ENTREP2: variants seen among roughly 807,000 people sequenced by gnomAD.
ENTREP2 encodes protein ENTREP2.
chr15:29,129,307 C>T, the ENTREP2 span, among the ~76,000 whole-genome samples: 11 of 152,220 alleles, frequency 7.2e-5, no homozygotes, highest in East Asian at 5.8e-4. Flanking sequence ...TCAGGCGATC[C>T]GCCTGCTTTG....
chr15:29,290,079 GCA>G, the ENTREP2 span, among the ~76,000 whole-genome samples: 1 of 152,082 alleles, frequency 6.6e-6, no homozygotes, highest in East Asian at 1.9e-4. Flanking sequence ...GCCTCCCAGG[GCA>G]CAGGTACCAG....
At chr15:29,325,278 G>A in the ENTREP2 span, among the ~76,000 whole-genome samples, 2 of 151,958 alleles carry the variant, frequency 1.3e-5, no homozygotes, top group Non-Finnish European at 2.9e-5. Flanking sequence ...GGAAACTAGA[G>A]AGAGAAGAGC....
chr15:29,166,451 C>T, the ENTREP2 span, among the ~76,000 whole-genome samples: 2 of 152,154 alleles, frequency 1.3e-5, no homozygotes. Context: ...GCTTCTATAA[C>T]TGATAAAAGA....
At chr15:29,160,476 C>CT in the ENTREP2 span, among the ~76,000 whole-genome samples, 1 of 151,986 alleles carries the variant, frequency 6.6e-6, no homozygotes, top group Non-Finnish European at 1.5e-5. Flanking sequence ...CTTTTGGAGG[C>CT]TAAGGTCAGA....
At chr15:29,310,302 T>A in the ENTREP2 span, among the ~76,000 whole-genome samples, 5 of 152,108 alleles carry the variant, frequency 3.3e-5, no homozygotes, top group Middle Eastern at 3.2e-3. Flanking sequence ...GACAATTTTT[T>A]AAAATCTCTT....
chr15:29,199,626 A>G, the ENTREP2 span, among the ~76,000 whole-genome samples: 4 of 152,214 alleles, frequency 2.6e-5, no homozygotes, highest in Admixed American at 2.0e-4. Context: ...TAAAAGACAA[A>G]TCATATATAG....
chr15:29,441,448 C>T, the ENTREP2 span, among the ~76,000 whole-genome samples: 1 of 152,134 alleles, frequency 6.6e-6, no homozygotes, highest in Non-Finnish European at 1.5e-5. Flanking sequence ...TCCCATCACC[C>T]ATTCTCAGAA....
chr15:29,367,638 C>T, the ENTREP2 span, among the ~76,000 whole-genome samples: 1 of 152,138 alleles, frequency 6.6e-6, no homozygotes, highest in Admixed American at 6.5e-5. Context: ...CCCAGGAAAG[C>T]CCTGAGAAGG....
the ENTREP2 span, among the ~76,000 whole-genome samples, chr15:29,228,878 T>TA: frequency 6.6e-6 from 1 of 152,148 alleles, no homozygotes; most frequent in Non-Finnish European, 1.5e-5. Flanking sequence ...ATCACAAATG[T>TA]AAAAAAATGC....
chr15:29,350,397 G>A, the ENTREP2 span, among the ~76,000 whole-genome samples: 2 of 152,078 alleles, frequency 1.3e-5, no homozygotes, highest in African/African-American at 4.8e-5. Flanking sequence ...TCAATAACAG[G>A]TGTATGTACT....
the ENTREP2 span, among the ~76,000 whole-genome samples, chr15:29,651,216 T>G: frequency 1.3e-5 from 2 of 152,232 alleles, no homozygotes; most frequent in African/African-American, 4.8e-5. Flanking sequence ...CAGGCAGACC[T>G]AGCTAAATAC....
At chr15:29,480,553 C>T in the ENTREP2 span, among the ~76,000 whole-genome samples, 23 of 151,792 alleles carry the variant, frequency 1.5e-4, no homozygotes, top group African/African-American at 5.3e-4. Flanking sequence ...GAAAAAGAGC[C>T]GGATGTGGTG....
chr15:29,234,038 C>T, the ENTREP2 span: 3 of 1,463,508 alleles, frequency 2.0e-6, no homozygotes, highest in Admixed American at 3.3e-5. Flanking sequence ...TCAAGATCTT[C>T]CTCATCCTCT....
chr15:29,518,267 G>A, the ENTREP2 span, among the ~76,000 whole-genome samples: 1 of 152,046 alleles, frequency 6.6e-6, no homozygotes, highest in Non-Finnish European at 1.5e-5. Context: ...CCACAACACA[G>A]CATTCTCAAC....
chr15:29,409,632 C>T, the ENTREP2 span, among the ~76,000 whole-genome samples: 1 of 147,218 alleles, frequency 6.8e-6, no homozygotes. Flanking sequence ...GCCTATTTTT[C>T]TTTTTTTTTT....
chr15:29,623,352 C>T, the ENTREP2 span, among the ~76,000 whole-genome samples: 1 of 152,162 alleles, frequency 6.6e-6, no homozygotes, highest in Admixed American at 6.5e-5. Flanking sequence ...CAGATGTTAC[C>T]ATAGCTAATT....
the ENTREP2 span, among the ~76,000 whole-genome samples, chr15:29,213,971 A>G: frequency 6.6e-6 from 1 of 152,198 alleles, no homozygotes; most frequent in Non-Finnish European, 1.5e-5. Context: ...GAGAAATGCA[A>G]ATCAAAACCA....
chr15:29,228,559 C>A, the ENTREP2 span, among the ~76,000 whole-genome samples: 3 of 152,098 alleles, frequency 2.0e-5, no homozygotes, highest in African/African-American at 7.2e-5. Flanking sequence ...GTACTTAATG[C>A]CACTGAATTG....
the ENTREP2 span, among the ~76,000 whole-genome samples, chr15:29,150,476 T>A: frequency 6.6e-6 from 1 of 152,220 alleles, no homozygotes; most frequent in Non-Finnish European, 1.5e-5. Context: ...TACAGATCAA[T>A]AGTAAAATCT....
Sources: allele counts gnomAD v4.1 joint callset (sites outside exome capture counted in the v4.1 genomes callset), GRCh38; gene constraint gnomAD v4.1.1; transcripts MANE v1.5; gene names NCBI Gene and HGNC (gene_info 2026-07-23, HGNC 2026-07-21).